Variants in DRC11 observed in about 807,000 individuals in gnomAD.
DRC11 encodes dynein regulatory complex subunit 11, also known as IQ and AAA domain-containing protein 1.
At chr2:236,488,248 T>G in the DRC11 span, 3 of 1,262,210 alleles carry the variant, frequency 2.4e-6, no homozygotes, top group South Asian at 1.6e-5. Flanking sequence ...CATCAATTGA[T>G]CCCAGACACA....
the DRC11 span, among the ~76,000 whole-genome samples, chr2:236,436,354 G>A: frequency 1.3e-5 from 2 of 151,990 alleles, no homozygotes; most frequent in African/African-American, 2.4e-5. Flanking sequence ...TGCTATTTGA[G>A]TTTTGTGTAG....
At chr2:236,354,297 ACATGTGTG>A in the DRC11 span, among the ~76,000 whole-genome samples, 3 of 151,832 alleles carry the variant, frequency 2.0e-5, no homozygotes, top group African/African-American at 7.3e-5. Context: ...GTTAGTGTGT[ACATGTGTG>A]CATGTGTGTG....
the DRC11 span, among the ~76,000 whole-genome samples, chr2:236,376,599 C>G: frequency 6.4e-3 from 980 of 152,264 alleles, 8 homozygotes; most frequent in African/African-American, 0.023. The surrounding 1 kb of genome is among the most constrained non-coding windows in gnomAD (Gnocchi z 5.7). Context: ...TTCAGGTCAT[C>G]ATGGTGTTTT....
the DRC11 span, among the ~76,000 whole-genome samples, chr2:236,490,806 C>T: frequency 1.3e-5 from 2 of 150,324 alleles, no homozygotes; most frequent in Admixed American, 6.6e-5. This position sits in a 1 kb window ranked among gnomAD's most constrained non-coding sequence, Gnocchi z 5.5. Context: ...TGTCTGCATG[C>T]GTGTGTGTGT....
the DRC11 span, among the ~76,000 whole-genome samples, chr2:236,485,636 C>T: frequency 1.0e-3 from 153 of 152,316 alleles, no homozygotes; most frequent in Non-Finnish European, 2.0e-3. Context: ...AAAGAATTGG[C>T]TTCAGGGGGT....
At chr2:236,497,582 G>C in the DRC11 span, 1 of 809,924 alleles carries the variant, frequency 1.2e-6, no homozygotes, top group East Asian at 2.7e-5. The surrounding 1 kb of genome is among the most constrained non-coding windows in gnomAD (Gnocchi z 5.1). Context: ...ATATAACACA[G>C]AATCAAGTGT....
chr2:236,500,036 C>T, the DRC11 span, among the ~76,000 whole-genome samples: 19 of 151,994 alleles, frequency 1.3e-4, no homozygotes, highest in East Asian at 2.9e-3. This position sits in a 1 kb window ranked among gnomAD's most constrained non-coding sequence, Gnocchi z 6.3. Context: ...ACCTTTCTGG[C>T]GAAAAGGTAA....
At chr2:236,343,072 G>A in the DRC11 span, among the ~76,000 whole-genome samples, 1 of 152,172 alleles carries the variant, frequency 6.6e-6, no homozygotes, top group African/African-American at 2.4e-5. The surrounding 1 kb of genome is among the most constrained non-coding windows in gnomAD (Gnocchi z 6.6). Flanking sequence ...AGGAGCACAA[G>A]GGCTGATTCA....
the DRC11 span, among the ~76,000 whole-genome samples, chr2:236,436,880 C>T: frequency 4.6e-5 from 7 of 152,104 alleles, no homozygotes; most frequent in Non-Finnish European, 1.0e-4. Flanking sequence ...ATTTTGGCTA[C>T]TTTATATCTT....
At chr2:236,466,385 A>G in the DRC11 span, among the ~76,000 whole-genome samples, 1 of 152,214 alleles carries the variant, frequency 6.6e-6, no homozygotes, top group Non-Finnish European at 1.5e-5. Flanking sequence ...TTTACATTTA[A>G]TTATGAGATG....
At chr2:236,350,795 G>A in the DRC11 span, among the ~76,000 whole-genome samples, 2 of 152,190 alleles carry the variant, frequency 1.3e-5, no homozygotes, top group South Asian at 2.1e-4. The surrounding 1 kb of genome is among the most constrained non-coding windows in gnomAD (Gnocchi z 5.2). Context: ...AACCATCACT[G>A]TCTTGCCCTC....
At chr2:236,308,313 C>G in the DRC11 span, among the ~76,000 whole-genome samples, 1 of 152,256 alleles carries the variant, frequency 6.6e-6, no homozygotes, top group Non-Finnish European at 1.5e-5. This position sits in a 1 kb window ranked among gnomAD's most constrained non-coding sequence, Gnocchi z 6.0. Flanking sequence ...TGTCCATCAT[C>G]CAGGAGACCC....
the DRC11 span, chr2:236,368,184 G>A: frequency 1.0e-5 from 16 of 1,547,766 alleles, no homozygotes; most frequent in East Asian, 1.8e-4. Flanking sequence ...CGCGCACGCC[G>A]AGTCTTTACC....
chr2:236,444,921 T>C, the DRC11 span, among the ~76,000 whole-genome samples: 1 of 152,194 alleles, frequency 6.6e-6, no homozygotes, highest in African/African-American at 2.4e-5. Context: ...CCAGTGTGGA[T>C]ATTGGGCCCC....
the DRC11 span, among the ~76,000 whole-genome samples, chr2:236,446,625 T>C: frequency 3.3e-5 from 5 of 152,186 alleles, no homozygotes; most frequent in African/African-American, 9.6e-5. This position sits in a 1 kb window ranked among gnomAD's most constrained non-coding sequence, Gnocchi z 6.2. Context: ...TGGACACACA[T>C]GTTCACCAAC....
chr2:236,356,905 TTATATATTA>T, the DRC11 span, among the ~76,000 whole-genome samples: 2 of 129,074 alleles, frequency 1.5e-5, no homozygotes, highest in African/African-American at 6.6e-5. Flanking sequence ...ATATGTATAT[TTATATATTA>T]TATATATTCA....
chr2:236,328,364 T>C, the DRC11 span, among the ~76,000 whole-genome samples: 1 of 152,096 alleles, frequency 6.6e-6, no homozygotes, highest in African/African-American at 2.4e-5. This position sits in a 1 kb window ranked among gnomAD's most constrained non-coding sequence, Gnocchi z 6.7. Context: ...ACCATGGAGG[T>C]AGTACAGATT....
chr2:236,424,408 C>T, the DRC11 span, among the ~76,000 whole-genome samples: 4 of 152,064 alleles, frequency 2.6e-5, no homozygotes, highest in African/African-American at 4.8e-5. Flanking sequence ...ATTACATTTT[C>T]ATGGTTCACA....
At chr2:236,485,783 T>C in the DRC11 span, among the ~76,000 whole-genome samples, 30 of 152,252 alleles carry the variant, frequency 2.0e-4, no homozygotes, top group Admixed American at 2.0e-3. Context: ...TGAAAGAGAA[T>C]GGGCTCCTGT....
Sources: gnomAD v4.1 joint callset for allele counts (sites outside exome capture counted in the v4.1 genomes callset) on GRCh38, gnomAD v4.1.1 for gene constraint, Gnocchi (gnomAD v3.1) non-coding constraint, MANE v1.5 for transcripts, NCBI Gene and HGNC (gene_info 2026-07-23, HGNC 2026-07-21) for gene names.